XRCC5: variants seen among roughly 807,000 people sequenced by gnomAD.
XRCC5 encodes the protein DNA repair protein Ku80.
XRCC5 carries 12 observed loss-of-function variants against 95.7 expected under a neutral mutation model. The ratio of observed to expected loss-of-function variants is 0.13; its 90% confidence interval spans 0.08 to 0.20. The LOEUF (loss-of-function observed/expected upper bound fraction) is 0.20. Ranked by LOEUF, XRCC5 falls within the 10% of genes least tolerant of loss-of-function variation. The pLI, the probability that XRCC5 is intolerant of heterozygous loss-of-function variation, is 1.00. For missense variants in XRCC5, 595 were observed against 873.9 expected (o/e 0.68, Z 4.02); for synonymous variants, 281 against 290.3 (o/e 0.97, Z 0.33).
chr2:216,172,887 A>T (rs58406505), intron 16 of XRCC5, among the ~76,000 whole-genome samples: 1 of 152,150 alleles, frequency 6.6e-6, no homozygotes, highest in Admixed American at 6.5e-5. Flanking sequence ...AACATGGAAT[A>T]GTTACTCATT....
intron 14 of XRCC5, among the ~76,000 whole-genome samples, chr2:216,154,133 T>G (rs1574468978): frequency 6.6e-6 from 1 of 152,230 alleles, no homozygotes; most frequent in Admixed American, 6.5e-5. Context: ...GGGGTCGAAT[T>G]TGGAGCTAAA....
At chr2:216,160,402 C>T (rs188201116) in intron 15 of XRCC5, among the ~76,000 whole-genome samples, 6 of 152,186 alleles carry the variant, frequency 3.9e-5, no homozygotes, top group East Asian at 1.9e-4. Flanking sequence ...CTTTATAGAA[C>T]GTGGAACATC....
chr2:216,141,351 C>A, intron 13 of XRCC5, 32 bp downstream of exon 13: 1 of 1,612,764 alleles, frequency 6.2e-7, no homozygotes, highest in Non-Finnish European at 8.5e-7. Context: ...AGTCATATTT[C>A]TTTTAAATGA....
At chr2:216,184,845 T>G (rs1689464839) in intron 16 of XRCC5, among the ~76,000 whole-genome samples, 1 of 152,170 alleles carries the variant, frequency 6.6e-6, no homozygotes. Flanking sequence ...CCCTTGTGAG[T>G]TCATAACACA....
chr2:216,159,475 A>C (rs1250878208), intron 14 of XRCC5, among the ~76,000 whole-genome samples: 1 of 152,198 alleles, frequency 6.6e-6, no homozygotes, highest in East Asian at 1.9e-4. Flanking sequence ...AAAAGAACAA[A>C]TTAAAAAGTT....
chr2:216,118,950 C>G (rs1696751524), intron 4 of XRCC5, 93 bp from the exon 5 acceptor site: 2 of 1,357,668 alleles, frequency 1.5e-6, no homozygotes, highest in Non-Finnish European at 2.1e-6. Flanking sequence ...AGATCCATTT[C>G]TAAGCTTCTC....
chr2:216,130,196 G>A (rs1017988069), intron 8 of XRCC5, among the ~76,000 whole-genome samples: 2 of 147,100 alleles, frequency 1.4e-5, no homozygotes, highest in African/African-American at 5.0e-5. Flanking sequence ...TTGAAAGGGT[G>A]TGATTTTTCA....
intron 16 of XRCC5, among the ~76,000 whole-genome samples, chr2:216,170,687 A>G (rs1039638312): frequency 6.6e-6 from 1 of 152,238 alleles, no homozygotes; most frequent in South Asian, 2.1e-4. Context: ...TTGGGCCATC[A>G]GTGCAACAAG....
At chr2:216,163,048 C>T (rs975485831) in intron 16 of XRCC5, among the ~76,000 whole-genome samples, 15 of 152,096 alleles carry the variant, frequency 9.9e-5, no homozygotes, top group African/African-American at 2.9e-4. Context: ...GGCCTGTCTG[C>T]GAGCTGACTT....
At chr2:216,138,206 C>T in intron 12 of XRCC5, 27 bp downstream of exon 12, 2 of 1,579,142 alleles carry the variant, frequency 1.3e-6, no homozygotes, top group Non-Finnish European at 1.7e-6. Flanking sequence ...TTAGATCACT[C>T]ATTGACTACA....
At chr2:216,182,602 A>G (rs1020949932) in intron 16 of XRCC5, among the ~76,000 whole-genome samples, 3 of 152,126 alleles carry the variant, frequency 2.0e-5, no homozygotes, top group Admixed American at 6.5e-5. Context: ...ACCACAACAC[A>G]TTCTTTCAGG....
chr2:216,137,442 C>T (rs1697102872), intron 11 of XRCC5, among the ~76,000 whole-genome samples: 2 of 151,812 alleles, frequency 1.3e-5, no homozygotes, highest in Admixed American at 6.6e-5. Flanking sequence ...AAAAAGTATA[C>T]GTTATAAAAA....
At chr2:216,155,236 C>CAAAAAA (rs10674711) in intron 14 of XRCC5, among the ~76,000 whole-genome samples, 4 of 80,426 alleles carry the variant, frequency 5.0e-5, no homozygotes, top group African/African-American at 1.0e-4. Context: ...ACTCCCATCT[C>CAAAAAA]AAAAAAAAAA....
At chr2:216,115,828 T>G (rs1405052335) in intron 2 of XRCC5, among the ~76,000 whole-genome samples, 3 of 152,070 alleles carry the variant, frequency 2.0e-5, no homozygotes, top group East Asian at 3.8e-4. Flanking sequence ...TTTAATAAAG[T>G]GTTACAGATA....
At chr2:216,190,974 C>T (rs1689603738) in intron 17 of XRCC5, among the ~76,000 whole-genome samples, 1 of 152,016 alleles carries the variant, frequency 6.6e-6, no homozygotes, top group Admixed American at 6.5e-5. Context: ...TGTGTGGGTG[C>T]TTATTAAATA....
chr2:216,141,781 G>A (rs188849503), intron 13 of XRCC5, among the ~76,000 whole-genome samples: 195 of 152,078 alleles, frequency 1.3e-3, no homozygotes, highest in South Asian at 0.01. Flanking sequence ...GGCCACGTGC[G>A]GTGGTTCATG....
chr2:216,194,705 G>A (rs3732023), intron 18 of XRCC5, among the ~76,000 whole-genome samples: 54,947 of 152,004 alleles, frequency 0.36, 10,935 homozygotes, highest in East Asian at 0.72. Flanking sequence ...GCACAGTGGC[G>A]CATGCTTGTA....
At chr2:216,156,471 A>G (rs957648997) in intron 14 of XRCC5, 7 of 678,302 alleles carry the variant, frequency 1.0e-5, no homozygotes, top group African/African-American at 1.8e-5. Flanking sequence ...TCAGATCTAC[A>G]TAAGCCTCAT....
chr2:216,190,416 G>A, intron 17 of XRCC5, 82 bp downstream of exon 17: 1 of 1,228,764 alleles, frequency 8.1e-7, no homozygotes, highest in Non-Finnish European at 1.2e-6. Context: ...TCCTGGAAAT[G>A]AGTCTGGGCC....
Sources: gnomAD v4.1 joint callset for allele counts (sites outside exome capture counted in the v4.1 genomes callset) on GRCh38, gnomAD v4.1.1 for gene constraint, MANE v1.5 for transcripts, NCBI Gene and HGNC (gene_info 2026-07-23, HGNC 2026-07-21) for gene names.